NKAIN2: variants seen among roughly 807,000 people sequenced by gnomAD.
NKAIN2 encodes the protein sodium/potassium-transporting ATPase subunit beta-1-interacting protein 2.
In NKAIN2, 14 loss-of-function variants were observed where a neutral mutation model predicts 32.6. The observed-to-expected ratio is 0.43, with a 90% CI of 0.28 to 0.67. The LOEUF (loss-of-function observed/expected upper bound fraction) is 0.67, where lower values mean the gene tolerates loss of function less well. NKAIN2 is among the 30% of genes least tolerant of loss of function. The probability of loss-of-function intolerance (pLI) is 0.17; values close to 1 mark genes in which losing one functional copy is unlikely to be tolerated. For missense variants in NKAIN2, 198 were observed against 258.3 expected (o/e 0.77, Z 1.60); for synonymous variants, 80 against 87.2 (o/e 0.92, Z 0.46).
At chr6:124,426,372 A>C (rs1774982247) in intron 3 of NKAIN2, among the ~76,000 whole-genome samples, 3 of 152,214 alleles carry the variant, frequency 2.0e-5, no homozygotes, top group Admixed American at 1.3e-4. Context: ...CTTCAAAAGA[A>C]ACTATTAAGA....
intron 1 of NKAIN2, among the ~76,000 whole-genome samples, chr6:124,275,083 C>T (rs1179954463): frequency 6.6e-6 from 1 of 152,000 alleles, no homozygotes; most frequent in Non-Finnish European, 1.5e-5. Context: ...TAGTCATCAG[C>T]TTGTCTTTTG....
At chr6:124,364,823 A>G (rs1669700230) in intron 3 of NKAIN2, among the ~76,000 whole-genome samples, 1 of 152,040 alleles carries the variant, frequency 6.6e-6, no homozygotes, top group African/African-American at 2.4e-5. Flanking sequence ...AGAATAACAC[A>G]GGTTGTATTG....
At chr6:124,759,467 A>G (rs1395450088) in intron 4 of NKAIN2, among the ~76,000 whole-genome samples, 1 of 151,926 alleles carries the variant, frequency 6.6e-6, no homozygotes, top group Admixed American at 6.6e-5. Flanking sequence ...ATGATCTACA[A>G]CAGGAATGCT....
intron 5 of NKAIN2, among the ~76,000 whole-genome samples, chr6:124,795,245 T>G (rs959405462): frequency 5.3e-5 from 8 of 152,184 alleles, no homozygotes; most frequent in Non-Finnish European, 1.5e-5. Context: ...TGATGGCAAC[T>G]GGACAAAATG....
At chr6:124,800,945 G>A (rs1051978638) in intron 5 of NKAIN2, among the ~76,000 whole-genome samples, 4 of 152,136 alleles carry the variant, frequency 2.6e-5, no homozygotes, top group Non-Finnish European at 4.4e-5. Context: ...ATGGATTGCT[G>A]CCTTTGTAAC....
chr6:124,206,825 C>T (rs1790908471), intron 1 of NKAIN2, among the ~76,000 whole-genome samples: 1 of 151,756 alleles, frequency 6.6e-6, no homozygotes, highest in Admixed American at 6.6e-5. Context: ...AGCACAAAGA[C>T]TAACAAGTCA....
chr6:123,957,502 T>C (rs1242501312), intron 1 of NKAIN2, among the ~76,000 whole-genome samples: 1 of 152,186 alleles, frequency 6.6e-6, no homozygotes, highest in African/African-American at 2.4e-5. Flanking sequence ...TATTTTCAAT[T>C]ATTGTTAACA....
chr6:124,378,235 A>T (rs974726948), intron 3 of NKAIN2, among the ~76,000 whole-genome samples: 2 of 152,124 alleles, frequency 1.3e-5, no homozygotes, highest in East Asian at 1.9e-4. Flanking sequence ...ACACTCCATG[A>T]AGTGGGCTTA....
At chr6:124,698,887 C>T (rs1250880357) in intron 4 of NKAIN2, among the ~76,000 whole-genome samples, 3 of 152,144 alleles carry the variant, frequency 2.0e-5, no homozygotes, top group Non-Finnish European at 4.4e-5. Flanking sequence ...CCAGTAATAA[C>T]ACAGAATGTT....
chr6:123,831,868 A>G (rs987148251), intron 1 of NKAIN2, among the ~76,000 whole-genome samples: 3 of 151,936 alleles, frequency 2.0e-5, no homozygotes, highest in Non-Finnish European at 4.4e-5. Flanking sequence ...GTTAGCCAGG[A>G]TGGTCTTGAT....
At chr6:124,328,969 C>T (rs1008132393) in intron 2 of NKAIN2, among the ~76,000 whole-genome samples, 1 of 152,164 alleles carries the variant, frequency 6.6e-6, no homozygotes, top group African/African-American at 2.4e-5. Flanking sequence ...GGAAACAACC[C>T]CTCCACATTA....
At chr6:124,339,377 A>T (rs1341219431) in intron 2 of NKAIN2, among the ~76,000 whole-genome samples, 6 of 152,274 alleles carry the variant, frequency 3.9e-5, no homozygotes, top group African/African-American at 1.2e-4. Flanking sequence ...CAAAAACTGC[A>T]GAAATTTATT....
chr6:123,932,865 C>T (rs1776319831), intron 1 of NKAIN2, among the ~76,000 whole-genome samples: 1 of 148,454 alleles, frequency 6.7e-6, no homozygotes, highest in Admixed American at 6.8e-5. Flanking sequence ...TATTTTCTTT[C>T]TCCTGTCTTC....
At chr6:124,478,539 G>T (rs1302754577) in intron 3 of NKAIN2, among the ~76,000 whole-genome samples, 5 of 152,140 alleles carry the variant, frequency 3.3e-5, no homozygotes, top group African/African-American at 1.2e-4. Context: ...GGAAGATGGG[G>T]GTATGTCAAA....
chr6:124,363,644 T>A lies in NKAIN2; in HGVS notation c.273+8297T>A, dbSNP rs200798513. 1.5e-4 allele frequency among the ~76,000 whole-genome samples: 23 copies of A among 152,310 alleles called. No individual in the cohort carries two copies. The East Asian group carries it at 3.7e-3, about 24-fold the overall frequency. On this transcript the variant is annotated intron_variant, in intron 3 of 6. Transcript: ENST00000368417. ...TAAACTAGACTTTCATGTGAAAAGA[T>A]CTGAAGAACAAGCCAGGGGCAAACC...
At chr6:123,853,204 A>AT in intron 1 of NKAIN2, among the ~76,000 whole-genome samples, 1 of 152,324 alleles carries the variant, frequency 6.6e-6, no homozygotes. Flanking sequence ...AATGACTTGT[A>AT]TTATGACAGT....
intron 1 of NKAIN2, among the ~76,000 whole-genome samples, chr6:124,100,917 A>G (rs1784856308): frequency 6.6e-6 from 1 of 152,226 alleles, no homozygotes; most frequent in African/African-American, 2.4e-5. Context: ...GAGGGTGGGG[A>G]CAAAATATAT....
chr6:124,656,487 A>G (rs1035107220), intron 3 of NKAIN2, among the ~76,000 whole-genome samples: 1 of 152,140 alleles, frequency 6.6e-6, no homozygotes, highest in Admixed American at 6.5e-5. Context: ...AGAGGAGATA[A>G]GGGAGCAGGA....
intron 1 of NKAIN2, among the ~76,000 whole-genome samples, chr6:124,243,741 G>A (rs578177987): frequency 1.3e-5 from 2 of 152,158 alleles, no homozygotes; most frequent in East Asian, 3.9e-4. Context: ...CAGAATCCTA[G>A]ATCATTGGAT....
Sources: allele counts gnomAD v4.1 joint callset (sites outside exome capture counted in the v4.1 genomes callset), GRCh38; gene constraint gnomAD v4.1.1; transcripts MANE v1.5; gene names NCBI Gene and HGNC (gene_info 2026-07-23, HGNC 2026-07-21).